TNXB: variants seen among roughly 807,000 people sequenced by gnomAD.
TNXB encodes tenascin XB.
A neutral mutation model predicts 340.5 loss-of-function variants in TNXB; 183 were observed. The observed-to-expected ratio is 0.54, with a 90% confidence interval of 0.48 to 0.61. The LOEUF is 0.61. TNXB is among the 20% of genes least tolerant of loss of function. The pLI is 0.00. For missense variants in TNXB, 4,613 were observed against 5,446.4 expected (o/e 0.85, Z 4.82); for synonymous variants, 2,121 against 2,314.5 (o/e 0.92, Z 2.40).
chr6:32,057,923 C>T (rs954710646), intron 22 of TNXB, 135 bp downstream of exon 22: 1 of 1,149,694 alleles, frequency 8.7e-7, no homozygotes. Context: ...CTCTCCATGA[C>T]ATGTCTTTCC....
In TNXB at chr6:32,062,422, G is replaced by C; in HGVS notation, c.6903C>G (p.Pro2301=). 2 of 1,612,786 alleles carry C rather than the reference G, an allele frequency of 1.2e-6. No individual in the cohort carries two copies. Among genetic ancestry groups the C allele is most frequent in the East Asian group, 4.5e-5 (2 of 44,874 alleles). Residue 2301 remains proline (P), a synonymous_variant, in exon 20 of 44, where the codon CCC becomes CCG. Transcript: ENST00000644971. The surrounding 1 kb of genome is among the most constrained non-coding windows in gnomAD (Gnocchi z 4.3). ...ASTEPPTPEP[P]IKPRLEELTV... is the part of the protein sequence containing the mutation. ...TCAGCTCCTCCAGGCGAGGCTTGAT[G>C]GGGGGTTCAGGGGTGGGAGGTTCTG...
In TNXB at chr6:32,061,543, T is replaced by A; in HGVS notation, c.7346A>T (p.Asp2449Val). 6.2e-7 allele frequency: 1 copy of A among 1,613,536 alleles called. No homozygotes were observed. The highest frequency in any genetic ancestry group is 1.7e-4 in the Middle Eastern group (1 of 5,930). The change falls in exon 21 of 44, where the codon GAC becomes GTC. Residue 2449 changes from aspartate (D) to valine (V), a missense_variant. Around this residue, in one of 7 missense-constraint regions of TNXB, gnomAD observed 4,327 missense variants for 4,859.4 expected, o/e 0.89. Coordinates refer to ENST00000644971, the MANE Select transcript of TNXB (RefSeq NM_001365276.2). This position sits in a 1 kb window ranked among gnomAD's most constrained non-coding sequence, Gnocchi z 4.4. ...AACACGCACCACCTGGGGCCGCCCG[T>A]CCCTGTCCTTGTACTGCACGGTGAA... Reference protein sequence around the residue: ...DSFTVQYKDRDGRPQVVRVGG... With the variant: ...DSFTVQYKDRVGRPQVVRVGG...
chr6:32,064,963 C>T lies in TNXB; in HGVS notation c.6699G>A (p.Gly2233=), dbSNP rs760354340. Residue 2233 remains glycine, a synonymous_variant, in exon 19 of 44, where the codon GGG becomes GGA. Coordinates refer to ENST00000644971, the MANE Select transcript of TNXB (RefSeq NM_001365276.2). The surrounding 1 kb of genome is among the most constrained non-coding windows in gnomAD (Gnocchi z 5.3). ...HFLVQFKNGD[G]QPKAVRVPGH... ...CCGGCACCCGCACCGCCTTGGGCTGCCCGTCCCCATTCTTAAACTGGACCA... is the reference window on the plus strand; with the variant it reads ...CCGGCACCCGCACCGCCTTGGGCTGTCCGTCCCCATTCTTAAACTGGACCA... The T allele has an allele frequency of 1.2e-6, 2 of 1,612,810 alleles. No individual in the cohort carries two copies. Among genetic ancestry groups the T allele is most frequent in the South Asian group, 1.1e-5 (1 of 91,070 alleles).
rs1293017543 is a variant in TNXB at position 32,083,377 on chromosome 6, C to T, written c.3445+1036G>A. Among the ~76,000 whole-genome samples, 1 of 152,190 alleles carries T rather than the reference C, an allele frequency of 6.6e-6. No homozygotes were observed. Among genetic ancestry groups the T allele is most frequent in the Non-Finnish European group, 1.5e-5 (1 of 68,032 alleles). On this transcript the variant is annotated intron_variant, in intron 8 of 43. Transcript: ENST00000644971. This position sits in a 1 kb window ranked among gnomAD's most constrained non-coding sequence, Gnocchi z 4.6. Reference sequence around the variant, plus strand: ...TCTCCTGACCTATAAAGTAGGCATGCCTCCCAGGTGTGCTTTATGGGGTGT... The same window carrying T: ...TCTCCTGACCTATAAAGTAGGCATGTCTCCCAGGTGTGCTTTATGGGGTGT...
Position 32,079,617 on chromosome 6 carries a change from G to A in TNXB, c.4043-252C>T, listed in dbSNP as rs1295423352. ...AGATGGGAAGAGAGGAAGCCTCTGAGGGTTCTTCCAAACCACGTTCACTGA... is the reference window on the plus strand; with the variant it reads ...AGATGGGAAGAGAGGAAGCCTCTGAAGGTTCTTCCAAACCACGTTCACTGA... On this transcript the variant is annotated intron_variant, in intron 10 of 43. Transcript: ENST00000644971. This position sits in a 1 kb window ranked among gnomAD's most constrained non-coding sequence, Gnocchi z 7.1. Among the ~76,000 whole-genome samples, 1 of 152,170 alleles carries A rather than the reference G, an allele frequency of 6.6e-6. No individual in the cohort carries two copies. Among genetic ancestry groups the A allele is most frequent in the African/African-American group, 2.4e-5 (1 of 41,438 alleles).
chr6:32,081,653 G>A lies in TNXB; in HGVS notation c.3757C>T (p.Pro1253Ser). 6.3e-7 allele frequency: 1 copy of A among 1,588,476 alleles called. No individual in the cohort carries two copies. Among genetic ancestry groups the A allele is most frequent in the Non-Finnish European group, 8.6e-7 (1 of 1,167,690 alleles). The change falls in exon 10 of 44, where the codon CCC becomes TCC. Residue 1253 changes from proline (P) to serine (S), a missense_variant. Around this residue, in one of 7 missense-constraint regions of TNXB, gnomAD observed 4,327 missense variants for 4,859.4 expected, o/e 0.89. Transcript: ENST00000644971. This position sits in a 1 kb window ranked among gnomAD's most constrained non-coding sequence, Gnocchi z 5.1. ...TGCTCCAGGAACTCAGGGCGGGGGG[G>A]CTCCTCTTTCCTCTCTGGAGCTGTA... is the stretch of plus-strand genomic sequence containing the variant. The part of the protein sequence containing the change: ...GTTAPERKEE[P>S]PRPEFLEQPL...
In TNXB at chr6:32,082,306, G is replaced by C. The variant is rs1779515414; in HGVS notation, c.3466C>G (p.Pro1156Ala). ...TTTCCCAGGTGGGGTGGAGTCCCTG[G>C]ACTTGGGTCACTCTGAGGCACTAGG... ...AKILPQSDPS[P>A]GTPPHLGNLW... is the part of the protein sequence containing the mutation. Residue 1156 changes from proline (P) to alanine (A), a missense_variant, in exon 9 of 44, where the codon CCA (proline) becomes GCA (alanine). By Grantham distance (27) the Pro-to-Ala change is conservative. Transcript: ENST00000644971. The surrounding 1 kb of genome is among the most constrained non-coding windows in gnomAD (Gnocchi z 5.0). 2 of 1,598,938 alleles carry C rather than the reference G, an allele frequency of 1.3e-6. No individual in the cohort carries two copies. Among genetic ancestry groups the C allele is most frequent in the Non-Finnish European group, 1.7e-6 (2 of 1,171,270 alleles).
rs1488785336 is a variant in TNXB, at chr6:32,052,445, T to C, written c.9115+225A>G. Among the ~76,000 whole-genome samples, 1 of 148,108 alleles carries C rather than the reference T, an allele frequency of 6.8e-6. No homozygotes were observed. The highest frequency in any genetic ancestry group is 1.5e-5 in the Non-Finnish European group (1 of 67,204). On this transcript the variant is annotated intron_variant, in intron 26 of 43. Transcript: ENST00000644971. This position sits in a 1 kb window ranked among gnomAD's most constrained non-coding sequence, Gnocchi z 4.7. Reference sequence around the variant, plus strand: ...CAGCCTGGGTGACAAAGCGAGACTCTATCTCAAAAAAAAAAAAAAGAAAGA... The same window carrying C: ...CAGCCTGGGTGACAAAGCGAGACTCCATCTCAAAAAAAAAAAAAAGAAAGA...
rs1209319200 is a variant in TNXB at position 32,067,605 on chromosome 6, C to G, written c.6544+56G>C. ...TTCTGGGTCCCTAGTGGAGGAGATGCTGGAGGCTGTACTTTGCTAAGACCC... is the reference window on the plus strand; with the variant it reads ...TTCTGGGTCCCTAGTGGAGGAGATGGTGGAGGCTGTACTTTGCTAAGACCC... On this transcript the variant is annotated intron_variant, in intron 18 of 43. Transcript: ENST00000644971. This position sits in a 1 kb window ranked among gnomAD's most constrained non-coding sequence, Gnocchi z 4.2. The G allele has an allele frequency of 1.3e-6, 2 of 1,574,904 alleles. No homozygotes were observed. The highest frequency in any genetic ancestry group is 1.4e-5 in the African/African-American group (1 of 73,344).
rs1454262857 is a variant in TNXB, at chr6:32,081,969, G to C, written c.3736+67C>G. On this transcript the variant is annotated intron_variant, in intron 9 of 43. Coordinates refer to ENST00000644971, the MANE Select transcript of TNXB (RefSeq NM_001365276.2). The surrounding 1 kb of genome is among the most constrained non-coding windows in gnomAD (Gnocchi z 5.1). ...TTGCTGGGGGACCCCAGCTGGTTTT[G>C]GGCTGAAGGGAAGTGTGCATGGGGC... is the stretch of plus-strand genomic sequence containing the variant. 14 of 1,484,158 alleles carry C rather than the reference G, an allele frequency of 9.4e-6. No individual in the cohort carries two copies. The highest frequency in any genetic ancestry group is 1.4e-5 in the African/African-American group (1 of 72,532). 91.9% of individuals were successfully genotyped at this position (1,484,158 alleles called of 1,614,324 possible). A position where few individuals can be genotyped will look rare whatever the true frequency, so the allele number is the denominator to read the frequency against.
rs1296974597 is a variant in TNXB, at chr6:32,090,627, A to G, written c.2359-1248T>C. Reference sequence around the variant, plus strand: ...ATCAACATAGTAAATACCGAAGTATAAAACCAGATGAGAAGGCCACGTAGA... The same window carrying G: ...ATCAACATAGTAAATACCGAAGTATGAAACCAGATGAGAAGGCCACGTAGA... On this transcript the variant is annotated intron_variant, in intron 4 of 43. Coordinates refer to ENST00000644971, the MANE Select transcript of TNXB (RefSeq NM_001365276.2). The surrounding 1 kb of genome is among the most constrained non-coding windows in gnomAD (Gnocchi z 4.3). Among the ~76,000 whole-genome samples, 1 of 152,232 alleles carries G rather than the reference A, an allele frequency of 6.6e-6. No homozygotes were observed. Among genetic ancestry groups the G allele is most frequent in the Non-Finnish European group, 1.5e-5 (1 of 68,042 alleles).
intron 11 of TNXB, 140 bp downstream of exon 11, chr6:32,078,893 C>T (rs1455249800): frequency 2.2e-6 from 2 of 900,596 alleles, no homozygotes; most frequent in Non-Finnish European, 3.3e-6. Context: ...GTACGCCAGT[C>T]CCCAGTGACA....
intron 24 of TNXB, 119 bp downstream of exon 24, chr6:32,055,732 G>A (rs1396511359): frequency 3.5e-6 from 5 of 1,412,582 alleles, no homozygotes; most frequent in Non-Finnish European, 4.7e-6. Context: ...CTCTTAGCAA[G>A]ATCCCCAAGC....
At chr6:32,054,258 C>T (rs1302847166) in intron 24 of TNXB, among the ~76,000 whole-genome samples, 1 of 152,176 alleles carries the variant, frequency 6.6e-6, no homozygotes, top group Non-Finnish European at 1.5e-5. Context: ...ACTGGCCTCC[C>T]TGCCTCCAGG....
rs893231837 is a variant in TNXB, at chr6:32,089,157, G to A, written c.2515+66C>T. 6.4e-7 allele frequency: 1 copy of A among 1,564,860 alleles called. No individual in the cohort carries two copies. The highest frequency in any genetic ancestry group is 8.7e-7 in the Non-Finnish European group (1 of 1,154,438). ...AGCCCCTTCCTTCTGCCCTCCCGGA[G>A]GGCAGATTCCCTCTCTAGTCCAGAT... On this transcript the variant is annotated intron_variant, in intron 5 of 43. Coordinates refer to ENST00000644971, the MANE Select transcript of TNXB (RefSeq NM_001365276.2). The surrounding 1 kb of genome is among the most constrained non-coding windows in gnomAD (Gnocchi z 6.2).
At position 32,095,823 on chromosome 6, in the gene TNXB, T is replaced by C. The variant is rs141190850; in HGVS notation, c.2030A>G (p.Asp677Gly). The C allele has an allele frequency of 1.9e-3, 3,055 of 1,612,186 alleles. 6 individuals are homozygous for C. The highest frequency in any genetic ancestry group is 3.2e-3 in the South Asian group (291 of 90,936). Residue 677 changes from aspartate (D) to glycine (G), a missense_variant, in exon 3 of 44, where the codon GAC becomes GGC. Around this residue, in one of 7 missense-constraint regions of TNXB, gnomAD observed 4,327 missense variants for 4,859.4 expected, o/e 0.89. Coordinates refer to ENST00000644971, the MANE Select transcript of TNXB (RefSeq NM_001365276.2). ...CLCHVGYGGE[D>G]CGQEEPPASA... ...GGCTGGAGGCTCTTCCTGCCCGCAG[T>C]CCTCACCGCCATAGCCCACGTGGCA...
Position 32,046,586 on chromosome 6 carries a change from G to A in TNXB, c.10325-130C>T. 1 of 776,870 alleles carries A rather than the reference G, an allele frequency of 1.3e-6. No individual in the cohort carries two copies. Among genetic ancestry groups the A allele is most frequent in the Non-Finnish European group, 1.9e-6 (1 of 517,040 alleles). 48.1% of individuals were successfully genotyped at this position (776,870 alleles called of 1,614,324 possible). A position where few individuals can be genotyped will look rare whatever the true frequency, so the allele number is the denominator to read the frequency against. ...AGCCCCAGGGACAGCTCCTTGAGGA[G>A]ACACACAGGCCTGCTCCCGCCATGC... On this transcript the variant is annotated intron_variant, in intron 30 of 43. Transcript: ENST00000644971. This position sits in a 1 kb window ranked among gnomAD's most constrained non-coding sequence, Gnocchi z 6.9.
At position 32,087,015 on chromosome 6, in the gene TNXB, C is replaced by T. The variant is rs191343462; in HGVS notation, c.2780-897G>A. 2.6e-5 allele frequency among the ~76,000 whole-genome samples: 4 copies of T among 152,350 alleles called. No individual in the cohort carries two copies. Among genetic ancestry groups the T allele is most frequent in the Non-Finnish European group, 4.4e-5 (3 of 68,036 alleles). ...GTCCCGGGAAACCCCAAAGAAGGCG[C>T]TGCCTTGACCTTAGGCATCCACAGG... is the stretch of plus-strand genomic sequence containing the variant. On this transcript the variant is annotated intron_variant, in intron 6 of 43. Transcript: ENST00000644971. The surrounding 1 kb of genome is among the most constrained non-coding windows in gnomAD (Gnocchi z 9.0).
At position 32,069,676 on chromosome 6, in the gene TNXB, C is replaced by A. The variant is rs533134249; in HGVS notation, c.5464G>T (p.Val1822Leu). The A allele has an allele frequency of 1.2e-6, 2 of 1,612,908 alleles. No homozygotes were observed. The highest frequency in any genetic ancestry group is 3.3e-5 in the Admixed American group (2 of 59,934). The change falls in exon 15 of 44, where the codon GTG becomes TTG. Residue 1822 changes from valine (V) to leucine (L), a missense_variant. Val to Leu is a conservative substitution (Grantham distance 32). Around this residue, in one of 7 missense-constraint regions of TNXB, gnomAD observed 4,327 missense variants for 4,859.4 expected, o/e 0.89. Transcript: ENST00000644971. The surrounding 1 kb of genome is among the most constrained non-coding windows in gnomAD (Gnocchi z 6.2). ...CTGACCTCCCTGAGGCTGCCCTCCA[C>A]GGGCACCACCTGGGGCTGCCCGTCC... ...DRDGQPQVVP[V>L]EGSLREVSVP...
Sources: allele counts gnomAD v4.1 joint callset (sites outside exome capture counted in the v4.1 genomes callset), GRCh38; gene constraint gnomAD v4.1.1; regional missense constraint gnomAD v4.1.1; non-coding constraint Gnocchi (gnomAD v3.1); transcripts MANE v1.5; gene names NCBI Gene and HGNC (gene_info 2026-07-23, HGNC 2026-07-21).